HTR4: variants seen among roughly 807,000 people sequenced by gnomAD.
HTR4 encodes 5-hydroxytryptamine receptor 4.
In HTR4, 16 loss-of-function variants were observed where a neutral mutation model predicts 36.8. That is an observed-to-expected ratio of 0.43 (90% CI 0.29 to 0.66). The LOEUF (loss-of-function observed/expected upper bound fraction) is 0.66. Among genes scored for constraint, HTR4 ranks in the 30% least tolerant of loss-of-function variants. The probability of loss-of-function intolerance (pLI) is 0.13; values close to 1 mark genes in which losing one functional copy is unlikely to be tolerated. For synonymous variants in HTR4, 189 were observed against 185.1 expected (o/e 1.02, Z -0.17); for missense variants, 438 against 490.9 (o/e 0.89, Z 1.02).
intron 4 of HTR4, among the ~76,000 whole-genome samples, chr5:148,547,933 T>C (rs1304136639): frequency 6.6e-6 from 1 of 152,212 alleles, no homozygotes; most frequent in African/African-American, 2.4e-5. Context: ...CATGTTTGTG[T>C]AGTCATCTGA....
At chr5:148,530,312 A>T (rs1350080780) in intron 4 of HTR4, among the ~76,000 whole-genome samples, 1 of 152,126 alleles carries the variant, frequency 6.6e-6, no homozygotes, top group Non-Finnish European at 1.5e-5. Flanking sequence ...CTGGAAGCCT[A>T]GGAGAAAAAA....
chr5:148,640,066 T>C (rs111541227), intron 1 of HTR4, among the ~76,000 whole-genome samples: 2,215 of 152,212 alleles, frequency 0.015, 51 homozygotes, highest in African/African-American at 0.051. Flanking sequence ...GTAATTGAAT[T>C]GCCAAAGTCA....
chr5:148,461,415 A>G (rs1012633476), intron 5 of HTR4, among the ~76,000 whole-genome samples: 1 of 152,038 alleles, frequency 6.6e-6, no homozygotes, highest in Non-Finnish European at 1.5e-5. Context: ...GAGTAAATGG[A>G]TGGAGAAATA....
chr5:148,641,113 C>A (rs1753716821), intron 1 of HTR4, among the ~76,000 whole-genome samples: 1 of 152,174 alleles, frequency 6.6e-6, no homozygotes, highest in Non-Finnish European at 1.5e-5. Context: ...ACATCTCTTG[C>A]TGGGAAGATT....
In HTR4 at chr5:148,614,839, A is replaced by G. The variant is rs563210686; in HGVS notation, c.26+22150T>C. On this transcript the variant is annotated intron_variant, in intron 2 of 6. Transcript: ENST00000377888. ...TGAATTCAAACAAATTTACAAGAAA[A>G]AGCAAACAACCCCATCAAAAAGTGG... Among the ~76,000 whole-genome samples the G allele has an allele frequency of 4.6e-5, 7 of 152,346 alleles. No homozygotes were observed. The East Asian group carries it at 1.2e-3, about 25-fold the overall frequency.
At chr5:148,461,528 A>T (rs993617097) in intron 5 of HTR4, among the ~76,000 whole-genome samples, 1 of 152,050 alleles carries the variant, frequency 6.6e-6, no homozygotes, top group Non-Finnish European at 1.5e-5. Flanking sequence ...AAAGAGGTGC[A>T]TTACGTAATA....
At chr5:148,583,921 T>A (rs1761249307) in intron 2 of HTR4, among the ~76,000 whole-genome samples, 1 of 152,208 alleles carries the variant, frequency 6.6e-6, no homozygotes, top group African/African-American at 2.4e-5. Context: ...ACCAACTTGA[T>A]GGTGGAATTT....
chr5:148,475,052 A>C (rs1755662988), downstream of HTR4, among the ~76,000 whole-genome samples: 1 of 151,938 alleles, frequency 6.6e-6, no homozygotes, highest in African/African-American at 2.4e-5. Flanking sequence ...CTCCAAAAAA[A>C]AAAGTAGTCT....
chr5:148,521,023 G>T lies in HTR4; in HGVS notation c.507+2170C>A, dbSNP rs188078121. ...AATGCGGTGAAAAGAGGAAAGGGCA[G>T]CTCCCTGTCTTGAGGGTCCTGTTGC... is the stretch of plus-strand genomic sequence containing the variant. On this transcript the variant is annotated intron_variant, in intron 5 of 6. Transcript: ENST00000377888. The T allele has an allele frequency of 1.4e-4, 193 of 1,365,692 alleles. No individual in the cohort carries two copies. The African/African-American group carries it at 2.6e-3, about 18-fold the overall frequency. 84.6% of individuals were successfully genotyped at this position (1,365,692 alleles called of 1,614,324 possible).
intron 5 of HTR4, among the ~76,000 whole-genome samples, chr5:148,460,619 T>C (rs752861483): frequency 2.0e-5 from 3 of 152,046 alleles, no homozygotes; most frequent in Non-Finnish European, 4.4e-5. Context: ...CCAGTATACC[T>C]GCCTTGCAAA....
chr5:148,576,129 A>C (rs896822311), intron 2 of HTR4, among the ~76,000 whole-genome samples: 11 of 143,874 alleles, frequency 7.6e-5, no homozygotes, highest in East Asian at 2.1e-4. Flanking sequence ...AAAAAAAAAA[A>C]AAAACAAAAT....
intron 6 of HTR4, among the ~76,000 whole-genome samples, chr5:148,501,368 C>T (rs866493180): frequency 1.3e-5 from 2 of 152,080 alleles, no homozygotes; most frequent in Non-Finnish European, 2.9e-5. Context: ...TTAACTATTG[C>T]CTCTGGGAAC....
intron 6 of HTR4, chr5:148,484,454 T>C: frequency 2.8e-6 from 4 of 1,404,432 alleles, no homozygotes; most frequent in Non-Finnish European, 3.9e-6. Context: ...TATGAGTCTA[T>C]GGTTTCTGGA....
downstream of HTR4, among the ~76,000 whole-genome samples, chr5:148,481,094 G>C (rs1456577998): frequency 6.6e-6 from 1 of 152,176 alleles, no homozygotes; most frequent in African/African-American, 2.4e-5. Context: ...GCAGGCAATG[G>C]GTGGGTGTGT....
chr5:148,503,964 C>A (rs1015521148), intron 6 of HTR4, among the ~76,000 whole-genome samples: 3 of 152,146 alleles, frequency 2.0e-5, no homozygotes, highest in Non-Finnish European at 2.9e-5. Flanking sequence ...TAGATATGCA[C>A]CCAATACAGG....
At chr5:148,649,734 G>A (rs1258135413) in intron 1 of HTR4, among the ~76,000 whole-genome samples, 3 of 152,062 alleles carry the variant, frequency 2.0e-5, no homozygotes, top group Non-Finnish European at 4.4e-5. Flanking sequence ...TGCTTAGTAA[G>A]AATGTCAATT....
intron 2 of HTR4, among the ~76,000 whole-genome samples, chr5:148,565,765 G>A (rs1029672718): frequency 6.6e-6 from 1 of 152,144 alleles, no homozygotes; most frequent in African/African-American, 2.4e-5. Context: ...AAGATAGACA[G>A]ACTGAAGTTC....
At chr5:148,451,253 C>G in exon 6 of HTR4, 1 of 1,613,808 alleles carries the variant, frequency 6.2e-7, no homozygotes, top group Non-Finnish European at 8.5e-7. Context: ...TGATGATGTC[C>G]CCTGTGCAGA....
intron 2 of HTR4, among the ~76,000 whole-genome samples, chr5:148,557,779 T>TAATATATATATTAGGAATATATA (rs1300476388): frequency 6.7e-6 from 1 of 148,178 alleles, no homozygotes; most frequent in African/African-American, 2.5e-5. Flanking sequence ...ATATATTATA[T>TAATATATATATTAGGAATATATA]AATATATATA....
Sources: allele counts gnomAD v4.1 joint callset (sites outside exome capture counted in the v4.1 genomes callset), GRCh38; gene constraint gnomAD v4.1.1; transcripts MANE v1.5; gene names NCBI Gene and HGNC (gene_info 2026-07-23, HGNC 2026-07-21).